P4HB: variants seen among roughly 807,000 people sequenced by gnomAD.
P4HB encodes prolyl 4-hydroxylase subunit beta, also known as protein disulfide-isomerase.
A neutral mutation model predicts 52.6 loss-of-function variants in P4HB; 20 were observed. That is an observed-to-expected ratio of 0.38 (90% CI 0.27 to 0.55). The LOEUF (loss-of-function observed/expected upper bound fraction) is 0.55. P4HB is among the 20% of genes least tolerant of loss of function. The probability of loss-of-function intolerance (pLI) is 0.74; values close to 1 mark genes in which losing one functional copy is unlikely to be tolerated. For missense variants in P4HB, 601 were observed against 669.2 expected (o/e 0.90, Z 1.12); for synonymous variants, 296 against 277.9 (o/e 1.07, Z -0.65).
chr17:81,857,305 G>T (rs144246863), intron 2 of P4HB, among the ~76,000 whole-genome samples: 1 of 151,962 alleles, frequency 6.6e-6, no homozygotes, highest in Non-Finnish European at 1.5e-5. Context: ...GCACCACCAC[G>T]CCCGGCTAAT....
At chr17:81,844,181 G>A in intron 10 of P4HB, 89 bp from the exon 11 acceptor site, 1 of 940,250 alleles carries the variant, frequency 1.1e-6, no homozygotes, top group Non-Finnish European at 1.8e-6. Flanking sequence ...CTCACACCGG[G>A]GACTAGCCGG....
Position 81,846,364 on chromosome 17 carries a change from G to GCCCAGAGAC in P4HB, c.1056+56_1056+64dup. 1 of 1,440,418 alleles carries GCCCAGAGAC rather than the reference G, an allele frequency of 6.9e-7. No individual in the cohort carries two copies. The highest frequency in any genetic ancestry group is 9.7e-7 in the Non-Finnish European group (1 of 1,026,890). 89.2% of individuals were successfully genotyped at this position (1,440,418 alleles called of 1,614,324 possible). A position where few individuals can be genotyped will look rare whatever the true frequency, so the allele number is the denominator to read the frequency against. On this transcript the variant is annotated intron_variant, in intron 7 of 10. Coordinates refer to ENST00000331483, the MANE Select transcript of P4HB (RefSeq NM_000918.4). This position sits in a 1 kb window ranked among gnomAD's most constrained non-coding sequence, Gnocchi z 5.7. Reference sequence around the variant, plus strand: ...GAGGACGAAGCCCAGGACACTGAGAGCCCAGAGACCCCAAGGTGGCGGCTC... The same window carrying GCCCAGAGAC: ...GAGGACGAAGCCCAGGACACTGAGAGCCCAGAGACCCCAGAGACCCCAAGGTGGCGGCTC...
At chr17:81,850,638 C>T (rs2038815727) in intron 4 of P4HB, among the ~76,000 whole-genome samples, 2 of 151,748 alleles carry the variant, frequency 1.3e-5, no homozygotes, top group African/African-American at 2.4e-5. Flanking sequence ...CATGTGCCAA[C>T]ACGCCTGGCA....
intron 4 of P4HB, among the ~76,000 whole-genome samples, chr17:81,848,295 G>A (rs749134451): frequency 2.3e-4 from 35 of 152,368 alleles, no homozygotes; most frequent in Middle Eastern, 3.4e-3. Context: ...GCTGCTGGGC[G>A]CATGGTGTCG....
chr17:81,857,824 T>C (rs1481196367), intron 2 of P4HB, among the ~76,000 whole-genome samples: 1 of 152,174 alleles, frequency 6.6e-6, no homozygotes, highest in East Asian at 1.9e-4. Context: ...CTGGTCCGAA[T>C]CGGGAAAACC....
chr17:81,855,285 TGA>T lies in P4HB; in HGVS notation c.487-8_487-7del. On this transcript the variant is annotated splice_region_variant and splice_polypyrimidine_tract_variant and intron_variant, in intron 3 of 10. Coordinates refer to ENST00000331483, the MANE Select transcript of P4HB (RefSeq NM_000918.4). The surrounding 1 kb of genome is among the most constrained non-coding windows in gnomAD (Gnocchi z 4.3). ...GCAGAGTCCGACTCCACGTCCTGAATGAGGAGGGAGAAGCAGAGGTCGTCATG... is the reference window on the plus strand; with the variant it reads ...GCAGAGTCCGACTCCACGTCCTGAATGGAGGGAGAAGCAGAGGTCGTCATG... 4.3e-6 allele frequency: 7 copies of T among 1,613,694 alleles called. No homozygotes were observed. Among genetic ancestry groups the T allele is most frequent in the Non-Finnish European group, 5.9e-6 (7 of 1,179,978 alleles).
Position 81,855,848 on chromosome 17 carries a change from T to C in P4HB, c.353-262A>G. On this transcript the variant is annotated intron_variant, in intron 2 of 10. Coordinates refer to ENST00000331483, the MANE Select transcript of P4HB (RefSeq NM_000918.4). This position sits in a 1 kb window ranked among gnomAD's most constrained non-coding sequence, Gnocchi z 4.3. ...TCTGAATAACAGGATCACAAACCCA[T>C]TTTTTTTCTCTGATCTCTCTGCATT... The C allele has an allele frequency of 2.5e-6, 1 of 403,252 alleles. No homozygotes were observed. The highest frequency in any genetic ancestry group is 4.4e-6 in the Non-Finnish European group (1 of 226,554). 25.0% of individuals were successfully genotyped at this position (403,252 alleles called of 1,614,324 possible).
chr17:81,844,881 G>C (rs1283631690), intron 10 of P4HB, among the ~76,000 whole-genome samples: 1 of 152,276 alleles, frequency 6.6e-6, no homozygotes, highest in East Asian at 1.9e-4. Flanking sequence ...GTCTGAAAAG[G>C]TTTTCTAAGC....
At chr17:81,854,652 C>T (rs1248954681) in intron 4 of P4HB, among the ~76,000 whole-genome samples, 1 of 151,926 alleles carries the variant, frequency 6.6e-6, no homozygotes, top group South Asian at 2.1e-4. Flanking sequence ...TGATACCATC[C>T]TGGCCAAAAT....
intron 4 of P4HB, among the ~76,000 whole-genome samples, chr17:81,853,061 C>T (rs183347062): frequency 6.6e-6 from 1 of 152,356 alleles, no homozygotes; most frequent in East Asian, 1.9e-4. Flanking sequence ...ACTAATTTAG[C>T]AACTCTCTTC....
At chr17:81,859,100 T>C in intron 2 of P4HB, 81 bp downstream of exon 2, 1 of 1,347,860 alleles carries the variant, frequency 7.4e-7, no homozygotes, top group Non-Finnish European at 1.1e-6. Flanking sequence ...TCCCCACCGC[T>C]CAGACAGCTG....
chr17:81,850,084 T>TC (rs1454939242), intron 4 of P4HB, among the ~76,000 whole-genome samples: 1 of 151,832 alleles, frequency 6.6e-6, no homozygotes, highest in African/African-American at 2.4e-5. Context: ...TGCCTCGGCC[T>TC]CCTAAAGTGC....
rs370100511 is a variant in P4HB at position 81,855,172 on chromosome 17, G to A, written c.594C>T (p.Leu198=). The A allele has an allele frequency of 1.1e-5, 17 of 1,613,952 alleles. No individual in the cohort carries two copies. The highest frequency in any genetic ancestry group is 6.7e-5 in the African/African-American group (5 of 74,920). The change falls in exon 4 of 11, where the codon CTC becomes CTT. Residue 198 remains leucine (L), a synonymous_variant. Coordinates refer to ENST00000331483, the MANE Select transcript of P4HB (RefSeq NM_000918.4). The surrounding 1 kb of genome is among the most constrained non-coding windows in gnomAD (Gnocchi z 4.3). The stretch of plus-strand genomic sequence containing the variant: ...TAAAGAGGACAACCCCATCTTTGTC[G>A]AGCTGGTATTTGGAGAACACGTCAC... ...SNSDVFSKYQ[L]DKDGVVLFKK... is the part of the protein sequence containing the mutation.
At chr17:81,847,954 G>A (rs571350659) in intron 4 of P4HB, 1 of 151,106 alleles carries the variant, frequency 6.6e-6, no homozygotes, top group African/African-American at 2.5e-5. Flanking sequence ...TCCCAGGCTG[G>A]AGTGCAGTGG....
Position 81,855,798 on chromosome 17 carries a change from G to A in P4HB, c.353-212C>T. On this transcript the variant is annotated intron_variant, in intron 2 of 10. Transcript: ENST00000331483. The surrounding 1 kb of genome is among the most constrained non-coding windows in gnomAD (Gnocchi z 4.3). ...GACTGTGGTTGTGTTTATGGGGAGT[G>A]GAGAGGGAAGAGGGTGATTCTGTCT... 1 of 529,652 alleles carries A rather than the reference G, an allele frequency of 1.9e-6. No homozygotes were observed. The highest frequency in any genetic ancestry group is 3.1e-5 in the East Asian group (1 of 31,990). The allele number at this position is 529,652 out of a possible 1,614,324, so 32.8% of individuals were successfully genotyped here. A position where few individuals can be genotyped will look rare whatever the true frequency, so the allele number is the denominator to read the frequency against.
In P4HB at chr17:81,846,411, C is replaced by G. The variant is rs768536599; in HGVS notation, c.1056+18G>C. 1 of 1,612,518 alleles carries G rather than the reference C, an allele frequency of 6.2e-7. No individual in the cohort carries two copies. The highest frequency in any genetic ancestry group is 8.5e-7 in the Non-Finnish European group (1 of 1,179,700). ...GCTCTACCCGGGAGGCAGCCCTGGC[C>G]CGGGGACGCGCCTGCACCTTGATTT... On this transcript the variant is annotated intron_variant, in intron 7 of 10. Coordinates refer to ENST00000331483, the MANE Select transcript of P4HB (RefSeq NM_000918.4). The surrounding 1 kb of genome is among the most constrained non-coding windows in gnomAD (Gnocchi z 5.7).
intron 4 of P4HB, among the ~76,000 whole-genome samples, chr17:81,851,726 G>A (rs1026134986): frequency 1.3e-5 from 2 of 152,326 alleles, no homozygotes; most frequent in Non-Finnish European, 2.9e-5. Context: ...CAAGAAGCCA[G>A]GAGGAGACAC....
In P4HB at chr17:81,855,409, A is replaced by G. The variant is rs1465398545; in HGVS notation, c.486+44T>C. 1 of 1,598,968 alleles carries G rather than the reference A, an allele frequency of 6.3e-7. No individual in the cohort carries two copies. The highest frequency in any genetic ancestry group is 8.5e-7 in the Non-Finnish European group (1 of 1,169,938). The stretch of plus-strand genomic sequence containing the variant: ...GCTGCAGGCTGTGGACCCCTCCTCA[A>G]TGGATGACGGAAGGAAGGAAGACTG... On this transcript the variant is annotated intron_variant, in intron 3 of 10. Coordinates refer to ENST00000331483, the MANE Select transcript of P4HB (RefSeq NM_000918.4). The surrounding 1 kb of genome is among the most constrained non-coding windows in gnomAD (Gnocchi z 4.3).
At position 81,855,861 on chromosome 17, in the gene P4HB, ATC is replaced by A; in HGVS notation, c.353-277_353-276del. ...ATCACAAACCCATTTTTTTTCTCTG[ATC>A]TCTCTGCATTTTCTTTTTTCTTTTG... On this transcript the variant is annotated intron_variant, in intron 2 of 10. Transcript: ENST00000331483. The surrounding 1 kb of genome is among the most constrained non-coding windows in gnomAD (Gnocchi z 4.3). 1 of 388,794 alleles carries A rather than the reference ATC, an allele frequency of 2.6e-6. No homozygotes were observed. Among genetic ancestry groups the A allele is most frequent in the South Asian group, 6.1e-5 (1 of 16,432 alleles). The allele number at this position is 388,794 out of a possible 1,614,324, so 24.1% of individuals were successfully genotyped here. A position where few individuals can be genotyped will look rare whatever the true frequency, so the allele number is the denominator to read the frequency against.
Sources: allele counts gnomAD v4.1 joint callset (sites outside exome capture counted in the v4.1 genomes callset), GRCh38; gene constraint gnomAD v4.1.1; non-coding constraint Gnocchi (gnomAD v3.1); transcripts MANE v1.5; gene names NCBI Gene and HGNC (gene_info 2026-07-23, HGNC 2026-07-21).